Variants in ATP13A3 observed in about 807,000 individuals in gnomAD.
ATP13A3 encodes polyamine-transporting ATPase 13A3.
ATP13A3 carries 59 observed loss-of-function variants against 158.1 expected under a neutral mutation model. The ratio of observed to expected loss-of-function variants is 0.37; its 90% CI spans 0.30 to 0.46. The LOEUF (loss-of-function observed/expected upper bound fraction) is 0.46, where lower values mean the gene tolerates loss of function less well. Ranked by LOEUF, ATP13A3 falls within the 20% of genes least tolerant of loss-of-function variation. The pLI is 1.00. For missense variants in ATP13A3, 1,166 were observed against 1,525.2 expected, an observed-to-expected ratio of 0.76 and a Z score of 3.92; for synonymous variants, 491 against 504.3, an observed-to-expected ratio of 0.97 and a Z score of 0.35.
At chr3:194,433,641 C>A in intron 21 of ATP13A3, 131 bp downstream of exon 21, 1 of 1,155,936 alleles carries the variant, frequency 8.7e-7, no homozygotes, top group Non-Finnish European at 1.2e-6. Context: ...ATATTCAGAG[C>A]TAAAAGAGAA....
intron 8 of ATP13A3, among the ~76,000 whole-genome samples, chr3:194,454,938 C>G (rs536233192): frequency 6.6e-6 from 1 of 152,140 alleles, no homozygotes; most frequent in African/African-American, 2.4e-5. Flanking sequence ...TAGATTCATA[C>G]CATCCAAATA....
chr3:194,493,475 C>T (rs576196527), intron 2 of ATP13A3, among the ~76,000 whole-genome samples: 14 of 151,970 alleles, frequency 9.2e-5, no homozygotes, highest in Non-Finnish European at 1.6e-4. Context: ...AATGAAACCC[C>T]GTCTCTACCA....
At chr3:194,446,794 TGGAGGAAAAGGAA>T in intron 14 of ATP13A3, 120 bp downstream of exon 14, 1 of 825,834 alleles carries the variant, frequency 1.2e-6, no homozygotes, top group Non-Finnish European at 1.9e-6. Context: ...ACCAAATAAG[TGGAGGAAAAGGAA>T]AATTAGAGGA....
intron 1 of ATP13A3, among the ~76,000 whole-genome samples, chr3:194,486,081 T>C (rs1030218593): frequency 1.3e-5 from 2 of 152,192 alleles, no homozygotes; most frequent in African/African-American, 4.8e-5. Flanking sequence ...TGGGTTTTTC[T>C]AGTCCTCACT....
intron 14 of ATP13A3, among the ~76,000 whole-genome samples, chr3:194,445,631 A>G (rs566164792): frequency 4.9e-4 from 74 of 152,380 alleles, no homozygotes; most frequent in African/African-American, 1.8e-3. Flanking sequence ...AAAGACAAGC[A>G]TAAGTGAAAT....
intron 30 of ATP13A3, among the ~76,000 whole-genome samples, chr3:194,423,467 G>A (rs931742120): frequency 1.8e-4 from 28 of 152,168 alleles, no homozygotes; most frequent in African/African-American, 6.5e-4. Flanking sequence ...TCCTAGAAAG[G>A]ACTCTGCATG....
At chr3:194,474,836 T>C (rs955205491) in intron 2 of ATP13A3, among the ~76,000 whole-genome samples, 1 of 152,246 alleles carries the variant, frequency 6.6e-6, no homozygotes, top group Non-Finnish European at 1.5e-5. Context: ...GCTGCTGTGA[T>C]GCGGTGCTCA....
At chr3:194,469,004 T>C (rs544958953) in intron 2 of ATP13A3, among the ~76,000 whole-genome samples, 1 of 151,134 alleles carries the variant, frequency 6.6e-6, no homozygotes, top group Non-Finnish European at 1.5e-5. Context: ...CAAGGTAGCA[T>C]GCGCCTGTAA....
chr3:194,477,251 C>A lies in ATP13A3; in HGVS notation c.-47+8543G>T, dbSNP rs1335808112. ...CAGAGGACTGCCCCCACCTTTCTCC[C>A]ACCTCTGCAGGTATCAGAGCACTTT... On this transcript the variant is annotated intron_variant, in intron 2 of 33. Coordinates refer to ENST00000645319, the MANE Select transcript of ATP13A3 (RefSeq NM_001367549.1). 3.3e-5 allele frequency among the ~76,000 whole-genome samples: 5 copies of A among 152,294 alleles called. No individual in the cohort carries two copies. In the East Asian group the frequency reaches 9.6e-4, roughly 29 times the overall value.
chr3:194,410,198 G>A (rs1307588247), intron 33 of ATP13A3, among the ~76,000 whole-genome samples: 30 of 143,060 alleles, frequency 2.1e-4, no homozygotes, highest in Admixed American at 9.6e-4. Flanking sequence ...GGTGGCTCAC[G>A]CCTGTAATCC....
chr3:194,442,451 A>T (rs1301012978), intron 15 of ATP13A3, among the ~76,000 whole-genome samples: 6 of 152,294 alleles, frequency 3.9e-5, no homozygotes, highest in East Asian at 1.9e-4. Context: ...TGTTTAAAAT[A>T]AAAAAATAAA....
rs112690318 is a variant in ATP13A3, at chr3:194,403,045, C to T, written c.*2874G>A. On this transcript the variant is annotated 3_prime_UTR_variant, in exon 34 of 34. Transcript: ENST00000645319. ...CCTCCCACCATAAATATACAAAAAC[C>T]TATTTTTAGATATGTCAAAATTGCA... The T allele has an allele frequency of 1.1e-4, 17 of 152,258 alleles. No homozygotes were observed. The highest frequency in any genetic ancestry group is 4.1e-4 in the African/African-American group (17 of 41,552). The allele number at this position is 152,258 out of a possible 1,614,324, so 9.4% of individuals were successfully genotyped here.
At chr3:194,421,291 C>T (rs1218853338) in intron 30 of ATP13A3, among the ~76,000 whole-genome samples, 2 of 146,106 alleles carry the variant, frequency 1.4e-5, no homozygotes, top group African/African-American at 5.1e-5. Flanking sequence ...CGGTGGCTCA[C>T]GCCTGTAATC....
At chr3:194,472,521 TACA>T (rs781130136) in intron 2 of ATP13A3, among the ~76,000 whole-genome samples, 13 of 152,206 alleles carry the variant, frequency 8.5e-5, no homozygotes, top group South Asian at 2.1e-4. Flanking sequence ...AAGGCTGAGT[TACA>T]ACAAGACTTA....
At chr3:194,469,311 A>G (rs746945889) in intron 2 of ATP13A3, among the ~76,000 whole-genome samples, 17 of 151,990 alleles carry the variant, frequency 1.1e-4, no homozygotes, top group Non-Finnish European at 1.5e-4. Context: ...TACAAAAATT[A>G]GGCAGGTGTG....
At chr3:194,441,168 G>T (rs992161954) in intron 16 of ATP13A3, 143 bp downstream of exon 16, 1 of 685,812 alleles carries the variant, frequency 1.5e-6, no homozygotes, top group Admixed American at 3.1e-5. Context: ...AGTTGATGTA[G>T]CTTTAGAAAT....
chr3:194,441,124 A>G (rs1258363049), intron 16 of ATP13A3, among the ~76,000 whole-genome samples, 187 bp downstream of exon 16: 2 of 152,214 alleles, frequency 1.3e-5, no homozygotes, highest in East Asian at 3.8e-4. Flanking sequence ...GTTAACTAAA[A>G]GTTACTTTTG....
chr3:194,448,606 A>C lies in ATP13A3; in HGVS notation c.1001T>G (p.Leu334Trp). 6.2e-7 allele frequency: 1 copy of C among 1,613,062 alleles called. No individual in the cohort carries two copies. The highest frequency in any genetic ancestry group is 8.5e-7 in the Non-Finnish European group (1 of 1,179,696). The change falls in exon 12 of 34, where the codon TTG becomes TGG. Residue 334 changes from leucine (L) to tryptophan (W), a missense_variant. Physicochemically the swap from Leu to Trp is moderately conservative, Grantham distance 61. Around this residue, in one of 3 missense-constraint regions of ATP13A3, gnomAD observed 997 missense variants for 1,341.2 expected, o/e 0.74. Transcript: ENST00000645319. This position sits in a 1 kb window ranked among gnomAD's most constrained non-coding sequence, Gnocchi z 4.0. ...TTTCACATCCACTGAAGGATTTGGC[A>C]AATTAGTCTTTGTCACTGGAACACT... ...GESVPVTKTN[L>W]PNPSVDVKGI...
At chr3:194,423,320 T>C (rs1466509905) in intron 30 of ATP13A3, among the ~76,000 whole-genome samples, 3 of 152,190 alleles carry the variant, frequency 2.0e-5, no homozygotes, top group Non-Finnish European at 2.9e-5. Context: ...TGAGATTAAT[T>C]CTTAAAAATC....
Sources: allele counts gnomAD v4.1 joint callset (sites outside exome capture counted in the v4.1 genomes callset), GRCh38; gene constraint gnomAD v4.1.1; regional missense constraint gnomAD v4.1.1; non-coding constraint Gnocchi (gnomAD v3.1); transcripts MANE v1.5; gene names NCBI Gene and HGNC (gene_info 2026-07-23, HGNC 2026-07-21).